The following WWOX variants were observed in gnomAD, a reference collection of about 807,000 sequenced individuals.
WWOX encodes WW domain containing oxidoreductase.
Under a neutral mutation model 46.2 loss-of-function variants are expected in WWOX, and 69 were observed. That is an observed-to-expected ratio of 1.49 (90% CI 1.23 to 1.82). The LOEUF is 1.82. WWOX is among the 40% of genes most tolerant of loss of function. The probability of loss-of-function intolerance (pLI) is 0.00; values close to 1 mark genes in which losing one functional copy is unlikely to be tolerated. For synonymous variants in WWOX, 359 were observed against 202.6 expected (o/e 1.77, Z -6.56); for missense variants, 919 against 542.6 (o/e 1.69, Z -6.89).
chr16:78,833,286 G>C (rs372418912), intron 8 of WWOX, among the ~76,000 whole-genome samples: 3 of 152,150 alleles, frequency 2.0e-5, no homozygotes, highest in South Asian at 2.1e-4. Flanking sequence ...GCTTCAAGCA[G>C]TCCTCTCACC....
At chr16:78,398,308 C>G (rs1049734406) in intron 6 of WWOX, among the ~76,000 whole-genome samples, 1 of 152,198 alleles carries the variant, frequency 6.6e-6, no homozygotes, top group Admixed American at 6.5e-5. Flanking sequence ...CCAACCCAGG[C>G]TTCTCTGCTC....
At chr16:78,456,732 C>T (rs1184684369) in intron 8 of WWOX, among the ~76,000 whole-genome samples, 1 of 152,144 alleles carries the variant, frequency 6.6e-6, no homozygotes, top group Non-Finnish European at 1.5e-5. Flanking sequence ...GTAGAATATC[C>T]ACATGTCTCA....
chr16:78,357,619 A>T (rs1370461770), intron 5 of WWOX, among the ~76,000 whole-genome samples: 2 of 152,202 alleles, frequency 1.3e-5, no homozygotes, highest in Non-Finnish European at 2.9e-5. Context: ...CCATATCATT[A>T]ATGTTCAACA....
intron 4 of WWOX, among the ~76,000 whole-genome samples, chr16:78,162,188 T>C (rs1324933966): frequency 1.3e-5 from 2 of 152,214 alleles, no homozygotes; most frequent in Non-Finnish European, 1.5e-5. Flanking sequence ...ATTTTTGTTC[T>C]CTGCCTTTAT....
chr16:79,155,766 A>G (rs2050369265), intron 8 of WWOX, among the ~76,000 whole-genome samples: 1 of 152,156 alleles, frequency 6.6e-6, no homozygotes, highest in South Asian at 2.1e-4. Context: ...TTTTGAATAG[A>G]AAGGATTATG....
intron 5 of WWOX, among the ~76,000 whole-genome samples, chr16:78,290,290 A>T (rs28391084): frequency 1.1e-5 from 1 of 88,260 alleles, no homozygotes; most frequent in African/African-American, 4.5e-5. Context: ...TCCCCCCCCC[A>T]CCCCCCATCC....
intron 8 of WWOX, among the ~76,000 whole-genome samples, chr16:79,210,695 C>G (rs1567623489): frequency 6.6e-6 from 1 of 151,998 alleles, no homozygotes; most frequent in African/African-American, 2.4e-5. Flanking sequence ...TCCCTCTGAA[C>G]AGCAGCCTAT....
chr16:78,840,227 TAA>T (rs2052101248), intron 8 of WWOX, among the ~76,000 whole-genome samples: 1 of 152,244 alleles, frequency 6.6e-6, no homozygotes, highest in Non-Finnish European at 1.5e-5. Flanking sequence ...TCACTAATCC[TAA>T]CTGTGCACAT....
intron 8 of WWOX, among the ~76,000 whole-genome samples, chr16:78,719,418 C>T (rs185014552): frequency 2.6e-5 from 4 of 152,358 alleles, no homozygotes; most frequent in Admixed American, 2.0e-4. Flanking sequence ...GCTTGCCTTA[C>T]AGGCATGCAC....
At chr16:78,870,777 A>G (rs1246803735) in intron 8 of WWOX, among the ~76,000 whole-genome samples, 1 of 151,940 alleles carries the variant, frequency 6.6e-6, no homozygotes, top group Non-Finnish European at 1.5e-5. Flanking sequence ...AAATTTTTGT[A>G]TTTTAGTAGA....
chr16:78,828,966 C>T (rs2051736909), intron 8 of WWOX, among the ~76,000 whole-genome samples: 1 of 152,204 alleles, frequency 6.6e-6, no homozygotes, highest in Non-Finnish European at 1.5e-5. Context: ...GCCAAAGCGA[C>T]ACAGCCATGA....
At chr16:78,917,315 G>A (rs202231871) in intron 8 of WWOX, among the ~76,000 whole-genome samples, 1 of 152,114 alleles carries the variant, frequency 6.6e-6, no homozygotes, top group East Asian at 1.9e-4. Flanking sequence ...AAGAAGAGAG[G>A]GATGGTTCTG....
chr16:79,004,918 T>A (rs1470938707), intron 8 of WWOX, among the ~76,000 whole-genome samples: 1 of 152,190 alleles, frequency 6.6e-6, no homozygotes, highest in Admixed American at 6.5e-5. Context: ...AATTCTGGCC[T>A]TTATGCATTT....
chr16:78,559,727 T>A (rs2044388849), intron 8 of WWOX, among the ~76,000 whole-genome samples: 1 of 152,186 alleles, frequency 6.6e-6, no homozygotes. Flanking sequence ...CACAATAGCT[T>A]CCTGGTAGAA....
intron 8 of WWOX, among the ~76,000 whole-genome samples, chr16:78,511,122 C>T (rs895243540): frequency 1.3e-5 from 2 of 152,308 alleles, no homozygotes; most frequent in African/African-American, 4.8e-5. Context: ...ATTGCAGGTC[C>T]TCCCCTTTCT....
chr16:79,079,038 G>C (rs756297846), intron 8 of WWOX, among the ~76,000 whole-genome samples: 1 of 152,158 alleles, frequency 6.6e-6, no homozygotes, highest in Non-Finnish European at 1.5e-5. Flanking sequence ...GATCAAGGTA[G>C]GCTAACTGCT....
intron 5 of WWOX, among the ~76,000 whole-genome samples, chr16:78,271,671 A>G (rs915590398): frequency 3.3e-5 from 5 of 152,168 alleles, no homozygotes; most frequent in Non-Finnish European, 5.9e-5. Context: ...CCTTGAGTTT[A>G]TCTTTACTTC....
At chr16:78,469,271 C>G (rs193017433) in intron 8 of WWOX, among the ~76,000 whole-genome samples, 4 of 152,124 alleles carry the variant, frequency 2.6e-5, no homozygotes, top group Admixed American at 6.5e-5. Flanking sequence ...TATTTAAGAA[C>G]TGGTACTATG....
At chr16:78,886,201 A>T (rs1228046870) in intron 8 of WWOX, among the ~76,000 whole-genome samples, 3 of 150,664 alleles carry the variant, frequency 2.0e-5, no homozygotes, top group African/African-American at 4.9e-5. Flanking sequence ...CTCGGATTAC[A>T]GGCATGAACC....
Sources: allele counts gnomAD v4.1 joint callset (sites outside exome capture counted in the v4.1 genomes callset), GRCh38; gene constraint gnomAD v4.1.1; transcripts MANE v1.5; gene names NCBI Gene and HGNC (gene_info 2026-07-23, HGNC 2026-07-21).